ZNF605: variants seen among roughly 807,000 people sequenced by gnomAD.
The protein encoded by ZNF605 is zinc finger protein 605.
ZNF605 carries 9 observed loss-of-function variants against 7.9 expected under a neutral mutation model. That is an observed-to-expected ratio of 1.14 (90% CI 0.68 to 1.98). ZNF605 has a LOEUF of 1.98. Ranked by LOEUF, ZNF605 falls within the 30% of genes most tolerant of loss-of-function variation. ZNF605 has a pLI of 0.00. For synonymous variants in ZNF605, 255 were observed against 260.1 expected (o/e 0.98, Z 0.19); for missense variants, 673 against 762.4 (o/e 0.88, Z 1.38).
In ZNF605 at chr12:132,920,869, C is replaced by G. The variant is rs963177745; in HGVS notation, c.*4504G>C. 6.6e-6 allele frequency: 1 copy of G among 152,156 alleles called. No homozygotes were observed. Among genetic ancestry groups the G allele is most frequent in the Non-Finnish European group, 1.5e-5 (1 of 68,110 alleles). The allele number at this position is 152,156 out of a possible 1,614,324, so 9.4% of individuals were successfully genotyped here. A position where few individuals can be genotyped will look rare whatever the true frequency, so the allele number is the denominator to read the frequency against. On this transcript the variant is annotated 3_prime_UTR_variant, in exon 5 of 5. Coordinates refer to ENST00000360187, the MANE Select transcript of ZNF605 (RefSeq NM_183238.4). ...GAGATGGAGTTTTGTTCTTGTTGCCCAGACTGGAGTGCAATGCCGTGATCT... is the reference window on the plus strand; with the variant it reads ...GAGATGGAGTTTTGTTCTTGTTGCCGAGACTGGAGTGCAATGCCGTGATCT...
Position 132,945,758 on chromosome 12 carries a change from C to A in ZNF605, c.-123G>T. ...TCCTTGGTCTTGTGGGCTCTTCTTT[C>A]TTATCTCACATGAATTGTCTTGTTC... On this transcript the variant is annotated 5_prime_UTR_variant, in exon 3 of 5. Transcript: ENST00000360187. 1 of 1,379,476 alleles carries A rather than the reference C, an allele frequency of 7.2e-7. No individual in the cohort carries two copies. The highest frequency in any genetic ancestry group is 1.0e-6 in the Non-Finnish European group (1 of 967,282). The allele number at this position is 1,379,476 out of a possible 1,614,324, so 85.5% of individuals were successfully genotyped here. A position where few individuals can be genotyped will look rare whatever the true frequency, so the allele number is the denominator to read the frequency against.
At chr12:132,939,177 C>T (rs1229530343) in intron 3 of ZNF605, among the ~76,000 whole-genome samples, 71 of 152,246 alleles carry the variant, frequency 4.7e-4, no homozygotes, top group Middle Eastern at 6.8e-3. Context: ...CCACCTGCAG[C>T]CCCGGTGCGG....
chr12:132,955,843 C>T, intron 1 of ZNF605, among the ~76,000 whole-genome samples: 1 of 152,058 alleles, frequency 6.6e-6, no homozygotes, highest in East Asian at 1.9e-4. Flanking sequence ...GGGCCCCTCT[C>T]CCCTGGGGCC....
intron 3 of ZNF605, among the ~76,000 whole-genome samples, chr12:132,934,667 C>T (rs1566232615): frequency 4.8e-5 from 7 of 145,322 alleles, no homozygotes. Context: ...GATTGTGCCG[C>T]TGCACTCCAG....
chr12:132,931,469 A>C (rs1400309565), intron 4 of ZNF605, among the ~76,000 whole-genome samples: 2 of 152,226 alleles, frequency 1.3e-5, no homozygotes, highest in African/African-American at 4.8e-5. Flanking sequence ...GAGATTTCAG[A>C]GAAAGCTGTG....
intron 3 of ZNF605, among the ~76,000 whole-genome samples, chr12:132,938,189 C>T (rs1952388317): frequency 6.6e-6 from 1 of 152,112 alleles, no homozygotes; most frequent in African/African-American, 2.4e-5. Context: ...ACCCTGTTAG[C>T]CTGGATGATC....
intron 4 of ZNF605, among the ~76,000 whole-genome samples, chr12:132,932,368 A>T (rs1952316579): frequency 6.6e-6 from 1 of 152,220 alleles, no homozygotes; most frequent in Non-Finnish European, 1.5e-5. Context: ...TTGAAGTTTA[A>T]ATAAACTCAA....
In ZNF605 at chr12:132,923,954, T is replaced by C. The variant is rs570634946; in HGVS notation, c.*1419A>G. 4.6e-5 allele frequency: 7 copies of C among 152,300 alleles called. No homozygotes were observed. Among genetic ancestry groups the C allele is most frequent in the South Asian group, 2.1e-4 (1 of 4,830 alleles). 9.4% of individuals were successfully genotyped at this position (152,300 alleles called of 1,614,324 possible). A position where few individuals can be genotyped will look rare whatever the true frequency, so the allele number is the denominator to read the frequency against. On this transcript the variant is annotated 3_prime_UTR_variant, in exon 5 of 5. Coordinates refer to ENST00000360187, the MANE Select transcript of ZNF605 (RefSeq NM_183238.4). ...ATTGATTTTTTCTTCTTTTTCTGTATCTAATCTCTCCACTCGGGATTTTAA... is the reference window on the plus strand; with the variant it reads ...ATTGATTTTTTCTTCTTTTTCTGTACCTAATCTCTCCACTCGGGATTTTAA...
At chr12:132,951,360 TAC>T (rs1161152107) in intron 1 of ZNF605, among the ~76,000 whole-genome samples, 4 of 148,580 alleles carry the variant, frequency 2.7e-5, no homozygotes, top group Admixed American at 2.7e-4. Flanking sequence ...TACACACAGA[TAC>T]ACACGTACAT....
In ZNF605 at chr12:132,926,387, T is replaced by C; in HGVS notation, c.912A>G (p.Thr304=). ...GACTACATGGATAGGGTTTCTCTCC[T>C]GTGTGCGCTCTCTGATGTGTGATGA... ...LKLITHQRAH[T]GEKPYPCSHC... Residue 304 remains threonine (T), a synonymous_variant, in exon 5 of 5, where the codon ACA becomes ACG. Coordinates refer to ENST00000360187, the MANE Select transcript of ZNF605 (RefSeq NM_183238.4). 1 of 1,614,212 alleles carries C rather than the reference T, an allele frequency of 6.2e-7. No individual in the cohort carries two copies. The highest frequency in any genetic ancestry group is 8.5e-7 in the Non-Finnish European group (1 of 1,180,034).
In ZNF605 at chr12:132,925,491, T is replaced by C. The variant is rs1325756703; in HGVS notation, c.1808A>G (p.His603Arg). 1 of 1,614,154 alleles carries C rather than the reference T, an allele frequency of 6.2e-7. No homozygotes were observed. The highest frequency in any genetic ancestry group is 1.1e-5 in the South Asian group (1 of 91,078). The change falls in exon 5 of 5, where the codon CAC becomes CGC. Residue 603 changes from histidine (H) to arginine (R), a missense_variant. Physicochemically the swap from His to Arg is conservative, Grantham distance 29. Transcript: ENST00000360187. ...ATGAATCCTCTGATGCCTCATAAGGTGTGACTTTCTTGTGAAAGATTTCCC... is the reference window on the plus strand; with the variant it reads ...ATGAATCCTCTGATGCCTCATAAGGCGTGACTTTCTTGTGAAAGATTTCCC... ...ECGKSFTRKS[H>R]LMRHQRIHTG...
At chr12:132,955,183 G>A (rs1952623612) in intron 1 of ZNF605, among the ~76,000 whole-genome samples, 1 of 152,146 alleles carries the variant, frequency 6.6e-6, no homozygotes, top group South Asian at 2.1e-4. Context: ...CGAGACTCAC[G>A]TGCATCTCTG....
rs908155529 is a variant in ZNF605, at chr12:132,927,130, G to A, written c.169C>T (p.Arg57Ter). The change falls in exon 5 of 5, where the codon CGA becomes TGA. Residue 57 changes from arginine (R) to a stop codon, truncating the protein, a stop_gained. Transcript: ENST00000360187. LOFTEE classifies it low-confidence loss of function (END_TRUNC). ...VWLDNPKMWL[R>*]DNQDNLKSME... ...CTTTTAAGGTTGTCTTGATTATCTC[G>A]GAGCCACATTTTGGGATTATCTAGC... is the stretch of plus-strand genomic sequence containing the variant. 39 of 1,570,742 alleles carry A rather than the reference G, an allele frequency of 2.5e-5. No homozygotes were observed. The highest frequency in any genetic ancestry group is 5.7e-5 in the Admixed American group (3 of 52,622).
At chr12:132,939,927 G>C (rs968411285) in intron 3 of ZNF605, among the ~76,000 whole-genome samples, 16 of 151,602 alleles carry the variant, frequency 1.1e-4, no homozygotes, top group Admixed American at 6.6e-5. Context: ...TCACCGCGAA[G>C]GTCTGCAGCT....
At chr12:132,940,322 G>A (rs1427249418) in intron 3 of ZNF605, among the ~76,000 whole-genome samples, 1 of 152,210 alleles carries the variant, frequency 6.6e-6, no homozygotes, top group African/African-American at 2.4e-5. Flanking sequence ...GAACTTGGAC[G>A]TGTTTTAAAA....
At chr12:132,953,749 A>G (rs1449022101) in intron 1 of ZNF605, among the ~76,000 whole-genome samples, 7 of 151,878 alleles carry the variant, frequency 4.6e-5, no homozygotes, top group Non-Finnish European at 1.0e-4. Context: ...CTAACTCCAC[A>G]TTCACCGCAA....
chr12:132,929,668 C>T (rs1037020885), intron 4 of ZNF605, among the ~76,000 whole-genome samples: 8 of 151,966 alleles, frequency 5.3e-5, no homozygotes, highest in East Asian at 1.9e-4. Flanking sequence ...CTATCCAGGC[C>T]GGGTGCGGTG....
chr12:132,929,368 G>A (rs1339809037), intron 4 of ZNF605, among the ~76,000 whole-genome samples: 1 of 152,156 alleles, frequency 6.6e-6, no homozygotes, highest in African/African-American at 2.4e-5. Flanking sequence ...CTGCGTGACT[G>A]AGTGAGACCC....
rs1952435568 is a variant in ZNF605, at chr12:132,941,126, C to T, written c.15+4495G>A. Among the ~76,000 whole-genome samples the T allele has an allele frequency of 2.0e-5, 3 of 152,154 alleles. No individual in the cohort carries two copies. Among genetic ancestry groups the T allele is most frequent in the African/African-American group, 7.2e-5 (3 of 41,444 alleles). ...CCCAGGAAACACAACCACCCAACTG[C>T]GCTTGCTAAATGCAGACTAAGATGT... On this transcript the variant is annotated intron_variant, in intron 3 of 4. Transcript: ENST00000360187. The surrounding 1 kb of genome is among the most constrained non-coding windows in gnomAD (Gnocchi z 5.1).
Sources: gnomAD v4.1 joint callset for allele counts (sites outside exome capture counted in the v4.1 genomes callset) on GRCh38, gnomAD v4.1.1 for gene constraint, Gnocchi (gnomAD v3.1) non-coding constraint, MANE v1.5 for transcripts, NCBI Gene and HGNC (gene_info 2026-07-23, HGNC 2026-07-21) for gene names.